The following SLC44A5 variants were observed in gnomAD, a reference collection of about 807,000 sequenced individuals.
SLC44A5 encodes the protein choline transporter-like protein 5.
A neutral mutation model predicts 101.8 loss-of-function variants in SLC44A5; 57 were observed. That is an observed-to-expected ratio of 0.56 (90% confidence interval 0.45 to 0.70). The LOEUF (loss-of-function observed/expected upper bound fraction) is 0.70, where lower values mean the gene tolerates loss of function less well. Ranked by LOEUF, SLC44A5 falls within the 30% of genes least tolerant of loss-of-function variation. The pLI, the probability that SLC44A5 is intolerant of heterozygous loss-of-function variation, is 0.00. For synonymous variants in SLC44A5, 281 were observed against 290.9 expected (o/e 0.97, Z 0.35); for missense variants, 737 against 853.1 (o/e 0.86, Z 1.70).
chr1:75,412,191 A>G (rs1228336651), intron 2 of SLC44A5, among the ~76,000 whole-genome samples: 1 of 152,170 alleles, frequency 6.6e-6, no homozygotes, highest in Admixed American at 6.6e-5. Context: ...AAATGCAAGG[A>G]CTATATCTTT....
At chr1:75,403,750 A>T (rs1349170285) in intron 2 of SLC44A5, among the ~76,000 whole-genome samples, 2 of 152,178 alleles carry the variant, frequency 1.3e-5, no homozygotes, top group Non-Finnish European at 2.9e-5. Flanking sequence ...AAAAACCAGC[A>T]CAAAACGGCT....
intron 2 of SLC44A5, among the ~76,000 whole-genome samples, chr1:75,471,826 G>C (rs1330351236): frequency 1.3e-5 from 2 of 151,714 alleles, no homozygotes; most frequent in East Asian, 3.9e-4. Flanking sequence ...TGTATCCTCT[G>C]TCCAAAACTT....
At position 75,203,478 on chromosome 1, in the gene SLC44A5, T is replaced by A. The variant is rs12087682; in HGVS notation, c.*249A>T. Reference sequence around the variant, plus strand: ...AGTATTTTCAAAACATCCAAGCCACTCTTTAAAAACGAATTACAAAACAAA... The same window carrying A: ...AGTATTTTCAAAACATCCAAGCCACACTTTAAAAACGAATTACAAAACAAA... On this transcript the variant is annotated 3_prime_UTR_variant, in exon 24 of 24. Transcript: ENST00000370859. The A allele has an allele frequency of 0.075, 23,257 of 311,838 alleles. 1,316 individuals carry two copies. The highest frequency in any genetic ancestry group is 0.18 in the African/African-American group (8,267 of 46,626). 19.3% of individuals were successfully genotyped at this position (311,838 alleles called of 1,614,324 possible).
At chr1:75,593,923 T>C (rs1160580653) in intron 1 of SLC44A5, among the ~76,000 whole-genome samples, 1 of 151,788 alleles carries the variant, frequency 6.6e-6, no homozygotes, top group Non-Finnish European at 1.5e-5. Context: ...GTACAAAAAA[T>C]AGAATTAATA....
chr1:75,228,473 G>A (rs1647286065), intron 12 of SLC44A5, among the ~76,000 whole-genome samples: 1 of 151,766 alleles, frequency 6.6e-6, no homozygotes, highest in Non-Finnish European at 1.5e-5. Context: ...ATAATTTATA[G>A]CTCCAATTTG....
intron 3 of SLC44A5, among the ~76,000 whole-genome samples, chr1:75,371,112 A>G (rs927586048): frequency 6.6e-6 from 1 of 152,160 alleles, no homozygotes; most frequent in African/African-American, 2.4e-5. Context: ...CATACTTCAA[A>G]CTTCATGCTC....
chr1:75,251,114 G>T, intron 7 of SLC44A5, 96 bp downstream of exon 7: 2 of 898,998 alleles, frequency 2.2e-6, no homozygotes, highest in Non-Finnish European at 3.6e-6. Context: ...CCCTGCCCAC[G>T]CACACACACA....
intron 5 of SLC44A5, among the ~76,000 whole-genome samples, chr1:75,281,674 G>T (rs1219993430): frequency 7.6e-6 from 1 of 130,772 alleles, no homozygotes; most frequent in East Asian, 2.4e-4. Flanking sequence ...CTAGGGACTT[G>T]GTGCCCCACA....
intron 4 of SLC44A5, among the ~76,000 whole-genome samples, chr1:75,319,108 C>A (rs1655942727): frequency 6.6e-6 from 1 of 152,086 alleles, no homozygotes; most frequent in South Asian, 2.1e-4. Flanking sequence ...AGATGACAAG[C>A]TGGTAAACAG....
At chr1:75,271,384 A>G (rs887838851) in intron 6 of SLC44A5, among the ~76,000 whole-genome samples, 6 of 151,680 alleles carry the variant, frequency 4.0e-5, no homozygotes, top group Non-Finnish European at 8.8e-5. Context: ...ATTTTAGCGC[A>G]CCCATCTCTT....
intron 6 of SLC44A5, among the ~76,000 whole-genome samples, chr1:75,251,608 T>C (rs1364962892): frequency 6.6e-6 from 1 of 152,214 alleles, no homozygotes; most frequent in Non-Finnish European, 1.5e-5. Context: ...AAATTTACAA[T>C]ATGTCAATTT....
chr1:75,362,453 C>T (rs4436341), intron 3 of SLC44A5, among the ~76,000 whole-genome samples: 143,381 of 152,008 alleles, frequency 0.94, 68,219 homozygotes, highest in East Asian at 1. Flanking sequence ...AGAACTGTTT[C>T]TGGGGCATCC....
At chr1:75,560,982 T>C (rs1255364031) in intron 1 of SLC44A5, among the ~76,000 whole-genome samples, 1 of 152,166 alleles carries the variant, frequency 6.6e-6, no homozygotes, top group Non-Finnish European at 1.5e-5. Flanking sequence ...AATAATAAGG[T>C]TAAAAACTAC....
In SLC44A5 at chr1:75,219,234, A is replaced by G; in HGVS notation, c.1266+23T>C. On this transcript the variant is annotated intron_variant, in intron 16 of 23. Coordinates refer to ENST00000370859, the MANE Select transcript of SLC44A5 (RefSeq NM_001130058.2). ...CAGAAGTCTATATTGAAGTAAGTAAATGAAAGAGTTTCTTGTACTTACCTC... is the reference window on the plus strand; with the variant it reads ...CAGAAGTCTATATTGAAGTAAGTAAGTGAAAGAGTTTCTTGTACTTACCTC... 2.7e-6 allele frequency: 4 copies of G among 1,487,612 alleles called. No individual in the cohort carries two copies. In the South Asian group the frequency reaches 3.4e-5, roughly 13 times the overall value. The allele number at this position is 1,487,612 out of a possible 1,614,324, so 92.2% of individuals were successfully genotyped here.
chr1:75,204,005 A>G (rs547525510), intron 23 of SLC44A5, among the ~76,000 whole-genome samples, 172 bp from the exon 24 acceptor site: 1 of 152,280 alleles, frequency 6.6e-6, no homozygotes, highest in South Asian at 2.1e-4. Context: ...AAACATAGTT[A>G]TGCGAAAACA....
At chr1:75,324,599 T>C (rs905902059) in intron 4 of SLC44A5, among the ~76,000 whole-genome samples, 18 of 152,122 alleles carry the variant, frequency 1.2e-4, no homozygotes, top group African/African-American at 4.3e-4. Context: ...CATCATGAGG[T>C]AGGTTCAAGA....
At chr1:75,287,223 C>A (rs1263954019) in intron 5 of SLC44A5, among the ~76,000 whole-genome samples, 2 of 151,724 alleles carry the variant, frequency 1.3e-5, no homozygotes, top group Non-Finnish European at 2.9e-5. Context: ...TTTTTCAATT[C>A]TGCTGTTGAG....
At chr1:75,590,453 C>G (rs1164503840) in intron 1 of SLC44A5, among the ~76,000 whole-genome samples, 2 of 152,162 alleles carry the variant, frequency 1.3e-5, no homozygotes, top group African/African-American at 2.4e-5. Context: ...TTGCTGGCTT[C>G]AAGTACCAAC....
rs150014694 is a variant in SLC44A5, at chr1:75,227,378, CATAA to C, written c.985+344_985+347del. 5.2e-3 allele frequency among the ~76,000 whole-genome samples: 789 copies of C among 151,898 alleles called. 6 individuals carry two copies. The highest frequency in any genetic ancestry group is 0.018 in the African/African-American group (742 of 41,388). ...AGATCCTATCTCAGAAAATTAAATA[CATAA>C]ATAAATAAATAAATAAAAAGTTTGA... On this transcript the variant is annotated intron_variant, in intron 13 of 23. Coordinates refer to ENST00000370859, the MANE Select transcript of SLC44A5 (RefSeq NM_001130058.2).
Sources: allele counts gnomAD v4.1 joint callset (sites outside exome capture counted in the v4.1 genomes callset), GRCh38; gene constraint gnomAD v4.1.1; transcripts MANE v1.5; gene names NCBI Gene and HGNC (gene_info 2026-07-23, HGNC 2026-07-21).